Variants in GLS observed in about 807,000 individuals in gnomAD.
The protein encoded by GLS is glutaminase kidney isoform, mitochondrial.
GLS carries 36 observed loss-of-function variants against 86.7 expected under a neutral mutation model. The ratio of observed to expected loss-of-function variants is 0.42; its 90% confidence interval spans 0.32 to 0.55. GLS has a LOEUF of 0.55. Ranked by LOEUF, GLS falls within the 20% of genes least tolerant of loss-of-function variation. GLS has a pLI of 0.17. For synonymous variants in GLS, 317 were observed against 305.9 expected, an observed-to-expected ratio of 1.04 and a Z score of -0.38; for missense variants, 528 against 833.4, an observed-to-expected ratio of 0.63 and a Z score of 4.51.
At position 190,942,067 on chromosome 2, in the gene GLS, C is replaced by CTTTTTTTTTTTTTTTTTTT. The variant is rs3036653; in HGVS notation, c.1650+10442_1650+10460dup. ...AGAGTTTAGTGTGAAACTTTGAAGA[C>CTTTTTTTTTTTTTTTTTTT]TTTTTTTTTTTTTTTTTTTTTTTTT... is the stretch of plus-strand genomic sequence containing the variant. On this transcript the variant is annotated intron_variant, in intron 14 of 17. Coordinates refer to ENST00000320717, the MANE Select transcript of GLS (RefSeq NM_014905.5). 3.2e-4 allele frequency among the ~76,000 whole-genome samples: 12 copies of CTTTTTTTTTTTTTTTTTTT among 38,054 alleles called. 5 individuals carry two copies. The highest frequency in any genetic ancestry group is 7.0e-4 in the Non-Finnish European group (12 of 17,202). 25.0% of individuals were successfully genotyped at this position (38,054 alleles called of 152,430 possible). A position where few individuals can be genotyped will look rare whatever the true frequency, so the allele number is the denominator to read the frequency against.
intron 17 of GLS, among the ~76,000 whole-genome samples, chr2:190,961,656 A>G (rs867637): frequency 0.6 from 90,525 of 150,628 alleles, 27,908 homozygotes; most frequent in Admixed American, 0.67. Flanking sequence ...TCCTAAACTA[A>G]TGAAGGCCTA....
chr2:190,881,894 C>T (rs1374496199), intron 1 of GLS: 1 of 158,964 alleles, frequency 6.3e-6, no homozygotes, highest in Non-Finnish European at 1.4e-5. Flanking sequence ...AGGAGTTGGG[C>T]GTTCAGCAGA....
chr2:190,905,169 T>C lies in GLS; in HGVS notation c.979+2T>C. 1 of 1,563,724 alleles carries C rather than the reference T, an allele frequency of 6.4e-7. No individual in the cohort carries two copies. Among genetic ancestry groups the C allele is most frequent in the Non-Finnish European group, 8.8e-7 (1 of 1,138,850 alleles). ...ACAAACTATTTTTGAATGAAGATGGTAAGAATTACATAAACATTGGTTGAA... is the reference window on the plus strand; with the variant it reads ...ACAAACTATTTTTGAATGAAGATGGCAAGAATTACATAAACATTGGTTGAA... On this transcript the variant is annotated splice_donor_variant, in intron 6 of 17. Coordinates refer to ENST00000320717, the MANE Select transcript of GLS (RefSeq NM_014905.5). LOFTEE classifies it high-confidence loss of function. The surrounding 1 kb of genome is among the most constrained non-coding windows in gnomAD (Gnocchi z 4.6).
At chr2:190,934,286 A>G (rs564971447) in intron 14 of GLS, 16 of 961,048 alleles carry the variant, frequency 1.7e-5, no homozygotes, top group Non-Finnish European at 1.6e-5. Context: ...TAAAGATAGA[A>G]AATCTTGATC....
rs1689444187 is a variant in GLS at position 190,914,076 on chromosome 2, G to A, written c.1038+3755G>A. Among the ~76,000 whole-genome samples, 3 of 152,168 alleles carry A rather than the reference G, an allele frequency of 2.0e-5. No individual in the cohort carries two copies. The highest frequency in any genetic ancestry group is 2.0e-4 in the Admixed American group (3 of 15,290). ...CAAAATGCTGGGATGACAGGCATTA[G>A]CCACTCTACTTGGCATGCCTCATTC... On this transcript the variant is annotated intron_variant, in intron 7 of 17. Transcript: ENST00000320717. This position sits in a 1 kb window ranked among gnomAD's most constrained non-coding sequence, Gnocchi z 4.4.
At chr2:190,890,280 C>T (rs982647489) in intron 1 of GLS, among the ~76,000 whole-genome samples, 1 of 152,042 alleles carries the variant, frequency 6.6e-6, no homozygotes, top group Non-Finnish European at 1.5e-5. Context: ...AACTCCTGGG[C>T]TCAAGCAGTC....
chr2:190,880,944 A>T lies in GLS; in HGVS notation c.-141A>T. 2 of 1,064,720 alleles carry T rather than the reference A, an allele frequency of 1.9e-6. No homozygotes were observed. Among genetic ancestry groups the T allele is most frequent in the Non-Finnish European group, 2.7e-6 (2 of 728,020 alleles). The allele number at this position is 1,064,720 out of a possible 1,614,324, so 66.0% of individuals were successfully genotyped here. A position where few individuals can be genotyped will look rare whatever the true frequency, so the allele number is the denominator to read the frequency against. ...CACCCGCATCCGCTGCGGGAGTCCG[A>T]GCCGGAACCACACCCAAGTAGCTGC... On this transcript the variant is annotated 5_prime_UTR_variant, in exon 1 of 18. Transcript: ENST00000320717.
At chr2:190,960,808 A>G (rs375853553) in intron 17 of GLS, among the ~76,000 whole-genome samples, 2 of 152,236 alleles carry the variant, frequency 1.3e-5, no homozygotes, top group African/African-American at 4.8e-5. Flanking sequence ...TGGTTATCTA[A>G]CTTTATTCCT....
At chr2:190,902,172 A>T (rs1000038358) in intron 5 of GLS, 146 bp downstream of exon 5, 5 of 544,006 alleles carry the variant, frequency 9.2e-6, no homozygotes, top group Admixed American at 3.2e-5. Context: ...TTAAATTTTA[A>T]TGTAATTTTT....
chr2:190,880,821 A>G lies in GLS; in HGVS notation c.-264A>G, dbSNP rs534085006. 7,549 of 718,790 alleles carry G rather than the reference A, an allele frequency of 0.011. 346 individuals are homozygous for G. The highest frequency in any genetic ancestry group is 0.012 in the Non-Finnish European group (5,038 of 420,690). The allele number at this position is 718,790 out of a possible 1,614,324, so 44.5% of individuals were successfully genotyped here. A position where few individuals can be genotyped will look rare whatever the true frequency, so the allele number is the denominator to read the frequency against. On this transcript the variant is annotated 5_prime_UTR_variant, in exon 1 of 18. Transcript: ENST00000320717. ...TAGCCCTCCCCTGCGCTTTAGCCTC[A>G]GTGCGGAGCCTTAGGCGGAGCGAAG...
intron 3 of GLS, 146 bp from the exon 4 acceptor site, chr2:190,900,418 T>G: frequency 2.2e-6 from 1 of 453,168 alleles, no homozygotes; most frequent in South Asian, 4.1e-5. Context: ...GGAAAGATAA[T>G]GTAGAAAGCA....
chr2:190,950,234 AATG>A (rs1028758338), intron 14 of GLS, among the ~76,000 whole-genome samples: 4 of 152,202 alleles, frequency 2.6e-5, no homozygotes, highest in Middle Eastern at 3.4e-3. Flanking sequence ...GAGTGGTAGG[AATG>A]ATATGTGCAG....
chr2:190,899,518 A>G (rs1688866899), intron 3 of GLS, among the ~76,000 whole-genome samples: 1 of 152,172 alleles, frequency 6.6e-6, no homozygotes, highest in Non-Finnish European at 1.5e-5. Context: ...TAAAATATTG[A>G]CATTTAAAAA....
rs1688780145 is a variant in GLS, at chr2:190,897,361, A to G, written c.605+1636A>G. Among the ~76,000 whole-genome samples, 1 of 152,236 alleles carries G rather than the reference A, an allele frequency of 6.6e-6. No individual in the cohort carries two copies. The highest frequency in any genetic ancestry group is 1.5e-5 in the Non-Finnish European group (1 of 68,036). On this transcript the variant is annotated intron_variant, in intron 3 of 17. Coordinates refer to ENST00000320717, the MANE Select transcript of GLS (RefSeq NM_014905.5). This position sits in a 1 kb window ranked among gnomAD's most constrained non-coding sequence, Gnocchi z 4.3. ...TTGTTATGTTTAAATATGAAATTAA[A>G]AACAATTTAAATCCTCTGATTATTA...
At chr2:190,892,254 A>G (rs1367010469) in intron 1 of GLS, among the ~76,000 whole-genome samples, 1 of 152,194 alleles carries the variant, frequency 6.6e-6, no homozygotes, top group Admixed American at 6.5e-5. Flanking sequence ...TCTTAAAGGC[A>G]GCATTTAGAA....
At chr2:190,958,077 A>G (rs918723953) in intron 17 of GLS, among the ~76,000 whole-genome samples, 1 of 152,088 alleles carries the variant, frequency 6.6e-6, no homozygotes, top group East Asian at 1.9e-4. Flanking sequence ...TACTGCCTCA[A>G]TTTCAGAGGC....
intron 9 of GLS, among the ~76,000 whole-genome samples, chr2:190,923,225 C>G (rs1689802846): frequency 6.6e-6 from 1 of 152,048 alleles, no homozygotes; most frequent in Non-Finnish European, 1.5e-5. Flanking sequence ...TTTGTAAGCC[C>G]TCAGGCTTTT....
At chr2:190,891,989 A>G (rs1056277927) in intron 1 of GLS, among the ~76,000 whole-genome samples, 22 of 151,800 alleles carry the variant, frequency 1.4e-4, no homozygotes, top group African/African-American at 5.3e-4. Context: ...CACCTCATCT[A>G]AAAAAAAGCT....
rs986997884 is a variant in GLS, at chr2:190,933,421, T to G, written c.1650+1784T>G. On this transcript the variant is annotated intron_variant, in intron 14 of 17. Coordinates refer to ENST00000320717, the MANE Select transcript of GLS (RefSeq NM_014905.5). ...CATTTATGCCATTTTTGGTGATAGATTGGCTTTACATTTTAAAAAATTTAT... is the reference window on the plus strand; with the variant it reads ...CATTTATGCCATTTTTGGTGATAGAGTGGCTTTACATTTTAAAAAATTTAT... 81 of 857,508 alleles carry G rather than the reference T, an allele frequency of 9.4e-5. No individual in the cohort carries two copies. In the Middle Eastern group the frequency reaches 1.8e-3, roughly 19 times the overall value. The allele number at this position is 857,508 out of a possible 1,614,324, so 53.1% of individuals were successfully genotyped here.
Sources: allele counts gnomAD v4.1 joint callset (sites outside exome capture counted in the v4.1 genomes callset), GRCh38; gene constraint gnomAD v4.1.1; non-coding constraint Gnocchi (gnomAD v3.1); transcripts MANE v1.5; gene names NCBI Gene and HGNC (gene_info 2026-07-23, HGNC 2026-07-21).